Variants in NRXN3 observed in about 807,000 individuals in gnomAD.
The protein encoded by NRXN3 is neurexin 3, also known as neurexin III.
Under a neutral mutation model 137.6 loss-of-function variants are expected in NRXN3, and 32 were observed. That is an observed-to-expected ratio of 0.23 (90% CI 0.18 to 0.31). The LOEUF (loss-of-function observed/expected upper bound fraction) is 0.31, where lower values mean the gene tolerates loss of function less well. Ranked by LOEUF, NRXN3 falls within the 10% of genes least tolerant of loss-of-function variation. The pLI, the probability that NRXN3 is intolerant of heterozygous loss-of-function variation, is 1.00. For synonymous variants in NRXN3, 798 were observed against 784.5 expected (o/e 1.02, Z -0.29); for missense variants, 1,574 against 2,062.5 (o/e 0.76, Z 4.59).
chr14:79,335,490 CAG>C lies in NRXN3; in HGVS notation c.3263-131727_3263-131726del, dbSNP rs143555031. ...CTGCGTGTTCACACCCCTCTATTAA[CAG>C]AGAAAGTTTATGCTATATTCTGTAC... On this transcript the variant is annotated intron_variant, in intron 15 of 20. Coordinates refer to ENST00000335750, the MANE Select transcript of NRXN3 (RefSeq NM_001330195.2). Among the ~76,000 whole-genome samples, 1,455 of 152,118 alleles carry C rather than the reference CAG, an allele frequency of 9.6e-3. 23 individuals carry two copies. Among genetic ancestry groups the C allele is most frequent in the African/African-American group, 0.033 (1,364 of 41,496 alleles).
chr14:79,054,556 A>G (rs928014573), intron 15 of NRXN3, among the ~76,000 whole-genome samples: 2 of 152,118 alleles, frequency 1.3e-5, no homozygotes, highest in African/African-American at 4.8e-5. Flanking sequence ...AAGGAGTCCT[A>G]CTCCAGCAGG....
chr14:78,912,840 G>A (rs1369988172), intron 10 of NRXN3, among the ~76,000 whole-genome samples: 4 of 152,076 alleles, frequency 2.6e-5, no homozygotes, highest in African/African-American at 9.7e-5. Flanking sequence ...GGAAATTAAG[G>A]ACCTAACCAA....
chr14:79,716,889 T>G (rs1368293412), intron 19 of NRXN3, among the ~76,000 whole-genome samples: 4 of 152,172 alleles, frequency 2.6e-5, no homozygotes, highest in Non-Finnish European at 4.4e-5. Context: ...AATGGGCATT[T>G]CCACCCAAAC....
intron 4 of NRXN3, among the ~76,000 whole-genome samples, chr14:78,593,775 C>A (rs545466168): frequency 6.6e-6 from 1 of 152,206 alleles, no homozygotes; most frequent in Admixed American, 6.5e-5. Flanking sequence ...ACTGGTCTTA[C>A]CAGCAGATGC....
chr14:79,708,577 C>CCAGG (rs1196138203), intron 19 of NRXN3, among the ~76,000 whole-genome samples: 8 of 151,606 alleles, frequency 5.3e-5, no homozygotes, highest in Non-Finnish European at 1.0e-4. Flanking sequence ...TCGTCACTTG[C>CCAGG]CAGGCATCAA....
intron 10 of NRXN3, among the ~76,000 whole-genome samples, chr14:78,932,679 A>G (rs1054503430): frequency 6.6e-6 from 1 of 152,254 alleles, no homozygotes; most frequent in African/African-American, 2.4e-5. Context: ...TTTGCAATGT[A>G]CTTGTACAGT....
intron 20 of NRXN3, among the ~76,000 whole-genome samples, chr14:79,824,114 T>C (rs2099282378): frequency 6.6e-6 from 1 of 152,208 alleles, no homozygotes; most frequent in Non-Finnish European, 1.5e-5. Context: ...GCCTGAACAG[T>C]TCTCATCTGT....
At chr14:79,526,269 C>T (rs777456494) in intron 16 of NRXN3, among the ~76,000 whole-genome samples, 3 of 151,792 alleles carry the variant, frequency 2.0e-5, no homozygotes, top group Non-Finnish European at 4.4e-5. Context: ...CTGGTCTCAA[C>T]CTCGCAACCT....
At chr14:79,667,058 G>T (rs1285661697) in intron 17 of NRXN3, among the ~76,000 whole-genome samples, 1 of 151,800 alleles carries the variant, frequency 6.6e-6, no homozygotes. Flanking sequence ...GCTATTAAAA[G>T]GATCAATTTA....
At chr14:79,730,330 C>T (rs111546234) in intron 19 of NRXN3, among the ~76,000 whole-genome samples, 43 of 152,272 alleles carry the variant, frequency 2.8e-4, no homozygotes, top group African/African-American at 1.0e-3. Flanking sequence ...CCTGGGCAAG[C>T]CCCCTCCCAC....
intron 16 of NRXN3, among the ~76,000 whole-genome samples, chr14:79,504,308 C>T (rs572073334): frequency 2.6e-5 from 4 of 152,148 alleles, no homozygotes; most frequent in South Asian, 2.1e-4. Flanking sequence ...ATTCCTTCAT[C>T]GTCCAAAAGG....
At chr14:79,540,422 G>T (rs1390422337) in intron 16 of NRXN3, among the ~76,000 whole-genome samples, 2 of 151,888 alleles carry the variant, frequency 1.3e-5, no homozygotes, top group Non-Finnish European at 2.9e-5. Context: ...TTTTTCTTCT[G>T]GTGAGAGCAT....
intron 4 of NRXN3, among the ~76,000 whole-genome samples, chr14:78,298,322 G>A (rs780517125): frequency 1.3e-5 from 2 of 152,196 alleles, no homozygotes; most frequent in African/African-American, 2.4e-5. Context: ...TACACTGCCC[G>A]TAATGATCTG....
chr14:78,620,854 C>T (rs1414087422), intron 4 of NRXN3, among the ~76,000 whole-genome samples: 1 of 152,014 alleles, frequency 6.6e-6, no homozygotes, highest in South Asian at 2.1e-4. Flanking sequence ...ATAACTTGCC[C>T]AGTGTCACAT....
At chr14:79,322,324 T>C (rs1178862950) in intron 15 of NRXN3, among the ~76,000 whole-genome samples, 1 of 152,106 alleles carries the variant, frequency 6.6e-6, no homozygotes, top group Non-Finnish European at 1.5e-5. Context: ...TATCTAGTGA[T>C]TTACAGAGTT....
chr14:78,787,001 T>C (rs1267827019), intron 8 of NRXN3, among the ~76,000 whole-genome samples: 1 of 152,174 alleles, frequency 6.6e-6, no homozygotes, highest in African/African-American at 2.4e-5. Flanking sequence ...ATATGACAAC[T>C]TCTATGGTTC....
chr14:79,596,837 A>C (rs1246781346), intron 16 of NRXN3, among the ~76,000 whole-genome samples: 2 of 152,030 alleles, frequency 1.3e-5, no homozygotes, highest in Non-Finnish European at 2.9e-5. Flanking sequence ...TGCCCTTTGG[A>C]TTTAGGCAGT....
chr14:79,382,960 G>C (rs1029527496), intron 15 of NRXN3, among the ~76,000 whole-genome samples: 3 of 140,214 alleles, frequency 2.1e-5, no homozygotes, highest in African/African-American at 7.6e-5. Flanking sequence ...TATATAGAGA[G>C]ATATGACAGA....
intron 15 of NRXN3, among the ~76,000 whole-genome samples, chr14:79,049,211 T>A (rs1474340012): frequency 6.6e-6 from 1 of 151,936 alleles, no homozygotes; most frequent in African/African-American, 2.4e-5. Context: ...AAATTGGAGC[T>A]AATCCTGTTA....
Sources: allele counts gnomAD v4.1 joint callset (sites outside exome capture counted in the v4.1 genomes callset), GRCh38; gene constraint gnomAD v4.1.1; transcripts MANE v1.5; gene names NCBI Gene and HGNC (gene_info 2026-07-23, HGNC 2026-07-21).